The following TBC1D19 variants were observed in gnomAD, a reference collection of about 807,000 sequenced individuals.
TBC1D19 encodes the protein TBC1 domain family, member 19.
A neutral mutation model predicts 89.0 loss-of-function variants in TBC1D19; 60 were observed. The observed-to-expected ratio is 0.67, with a 90% CI of 0.55 to 0.84. The LOEUF (loss-of-function observed/expected upper bound fraction) is 0.84, where lower values mean the gene tolerates loss of function less well. TBC1D19 is among the 40% of genes least tolerant of loss of function. The pLI, the probability that TBC1D19 is intolerant of heterozygous loss-of-function variation, is 0.00. For missense variants in TBC1D19, 500 were observed against 610.8 expected (o/e 0.82, Z 1.91); for synonymous variants, 189 against 199.7 (o/e 0.95, Z 0.45).
At position 26,706,305 on chromosome 4, in the gene TBC1D19, T is replaced by C. The variant is rs544524408; in HGVS notation, c.955-11628T>C. Reference sequence around the variant, plus strand: ...TGTTCATTTTATCCAGGTTATCCAATTTGTTGGTGTACAATTGGTCATAGT... The same window carrying C: ...TGTTCATTTTATCCAGGTTATCCAACTTGTTGGTGTACAATTGGTCATAGT... On this transcript the variant is annotated intron_variant, in intron 13 of 20. Transcript: ENST00000264866. Among the ~76,000 whole-genome samples the C allele has an allele frequency of 1.6e-4, 24 of 152,314 alleles. No homozygotes were observed. In the South Asian group the frequency reaches 4.8e-3, roughly 30 times the overall value.
chr4:26,818,858 G>T, the TBC1D19 span, among the ~76,000 whole-genome samples: 1 of 152,184 alleles, frequency 6.6e-6, no homozygotes. Flanking sequence ...AAATACTTCA[G>T]TGTGTGTGTA....
intron 9 of TBC1D19, among the ~76,000 whole-genome samples, chr4:26,669,916 TGAAAA>T (rs747950674): frequency 1.3e-5 from 2 of 151,756 alleles, no homozygotes; most frequent in Non-Finnish European, 1.5e-5. Context: ...TCAAGGAGGA[TGAAAA>T]GAATCGAGTT....
downstream of TBC1D19, among the ~76,000 whole-genome samples, chr4:26,761,037 C>T (rs1185421172): frequency 1.3e-5 from 2 of 152,156 alleles, no homozygotes; most frequent in Admixed American, 1.3e-4. Flanking sequence ...GGGCTGGTTT[C>T]TGGACCCTCT....
intron 1 of TBC1D19, among the ~76,000 whole-genome samples, chr4:26,578,453 C>T (rs1245029564): frequency 6.6e-6 from 1 of 151,880 alleles, no homozygotes; most frequent in Non-Finnish European, 1.5e-5. Context: ...TTCAAGAGAA[C>T]TGGAAGAACA....
At chr4:26,597,210 T>G (rs1740280842) in intron 1 of TBC1D19, among the ~76,000 whole-genome samples, 1 of 152,258 alleles carries the variant, frequency 6.6e-6, no homozygotes, top group South Asian at 2.1e-4. Context: ...CTCTTTTTAA[T>G]TCTTTCAGAT....
chr4:26,851,142 T>C, the TBC1D19 span, among the ~76,000 whole-genome samples: 1 of 152,214 alleles, frequency 6.6e-6, no homozygotes. Flanking sequence ...TTGCAGGCCT[T>C]TGGCCTCAGA....
chr4:26,707,039 A>C (rs1394127582), intron 13 of TBC1D19, among the ~76,000 whole-genome samples: 2 of 152,046 alleles, frequency 1.3e-5, no homozygotes, highest in Non-Finnish European at 2.9e-5. Context: ...TGTTAGATCT[A>C]GTTGGTTTAT....
chr4:26,725,114 C>A (rs1717226712), intron 15 of TBC1D19, among the ~76,000 whole-genome samples: 1 of 152,174 alleles, frequency 6.6e-6, no homozygotes, highest in Non-Finnish European at 1.5e-5. Context: ...CTGGTACCAG[C>A]AATCTGCATC....
intron 3 of TBC1D19, among the ~76,000 whole-genome samples, chr4:26,619,408 T>A (rs1216901568): frequency 6.6e-6 from 1 of 152,108 alleles, no homozygotes; most frequent in African/African-American, 2.4e-5. Context: ...GGTTTCACCA[T>A]GTTAGCCAGG....
intron 4 of TBC1D19, among the ~76,000 whole-genome samples, chr4:26,621,414 C>T (rs971785536): frequency 1.1e-4 from 17 of 152,084 alleles, no homozygotes; most frequent in South Asian, 4.1e-4. Context: ...CACAGTCAGT[C>T]GACCTTCATT....
chr4:26,665,271 G>T (rs2109089497), intron 8 of TBC1D19, among the ~76,000 whole-genome samples: 1 of 152,250 alleles, frequency 6.6e-6, no homozygotes, highest in African/African-American at 2.4e-5. Flanking sequence ...ATATGTGTAT[G>T]TTAGGCTGAA....
chr4:26,788,338 G>C, the TBC1D19 span, among the ~76,000 whole-genome samples: 11 of 152,208 alleles, frequency 7.2e-5, no homozygotes, highest in Non-Finnish European at 1.3e-4. Flanking sequence ...GAGCTGAAAA[G>C]TGCCTAGAAT....
intron 11 of TBC1D19, among the ~76,000 whole-genome samples, chr4:26,674,738 G>C (rs914289627): frequency 1.3e-5 from 2 of 151,720 alleles, no homozygotes; most frequent in Non-Finnish European, 2.9e-5. Flanking sequence ...ATGAAATAAC[G>C]TACATGTACT....
chr4:26,621,696 G>A (rs1742058485), intron 4 of TBC1D19, among the ~76,000 whole-genome samples: 3 of 152,156 alleles, frequency 2.0e-5, no homozygotes, highest in South Asian at 4.2e-4. Flanking sequence ...GATATTTGAG[G>A]AAGTATATAT....
chr4:26,806,934 G>T, the TBC1D19 span, among the ~76,000 whole-genome samples: 1 of 152,180 alleles, frequency 6.6e-6, no homozygotes, highest in Non-Finnish European at 1.5e-5. Flanking sequence ...TCAGAGGGAG[G>T]CTGGTCCTGC....
the TBC1D19 span, among the ~76,000 whole-genome samples, chr4:26,806,953 G>A: frequency 3.3e-5 from 5 of 152,170 alleles, no homozygotes; most frequent in Non-Finnish European, 5.9e-5. Flanking sequence ...GCAACCGTGA[G>A]GGAATAAATG....
chr4:26,600,380 A>G (rs1740512315), intron 1 of TBC1D19, among the ~76,000 whole-genome samples: 1 of 152,244 alleles, frequency 6.6e-6, no homozygotes, highest in Admixed American at 6.5e-5. Context: ...ATAAAATAAG[A>G]AAGTTCCTGT....
chr4:26,682,916 A>G (rs1416957151), intron 11 of TBC1D19, among the ~76,000 whole-genome samples: 1 of 151,900 alleles, frequency 6.6e-6, no homozygotes, highest in Non-Finnish European at 1.5e-5. Flanking sequence ...ATCAGATTTT[A>G]TAGTATTATG....
intron 15 of TBC1D19, among the ~76,000 whole-genome samples, chr4:26,730,606 G>A (rs983892577): frequency 2.0e-5 from 3 of 152,122 alleles, no homozygotes; most frequent in Non-Finnish European, 2.9e-5. Context: ...TCCTTGACAC[G>A]TATACTTTGA....
Sources: allele counts gnomAD v4.1 joint callset (sites outside exome capture counted in the v4.1 genomes callset), GRCh38; gene constraint gnomAD v4.1.1; transcripts MANE v1.5; gene names NCBI Gene and HGNC (gene_info 2026-07-23, HGNC 2026-07-21).